Variants in CLNK observed in about 807,000 individuals in gnomAD.
CLNK encodes cytokine dependent hematopoietic cell linker, also known as cytokine-dependent hematopoietic cell linker.
Under a neutral mutation model 68.6 loss-of-function variants are expected in CLNK, and 74 were observed. The observed-to-expected ratio is 1.08, with a 90% CI of 0.89 to 1.31. CLNK has a LOEUF of 1.31. CLNK is among the 50% of genes most tolerant of loss of function. The pLI is 0.00. For synonymous variants in CLNK, 198 were observed against 172.2 expected, an observed-to-expected ratio of 1.15 and a Z score of -1.17; for missense variants, 553 against 515.3, an observed-to-expected ratio of 1.07 and a Z score of -0.71.
At chr4:10,515,169 C>T (rs978791452) in intron 15 of CLNK, among the ~76,000 whole-genome samples, 28 of 152,016 alleles carry the variant, frequency 1.8e-4, no homozygotes, top group Admixed American at 1.3e-3. Context: ...GCCTGGGAAG[C>T]GGAGGTTGCA....
chr4:10,539,944 A>T (rs1336997073), intron 11 of CLNK, among the ~76,000 whole-genome samples: 1 of 152,222 alleles, frequency 6.6e-6, no homozygotes, highest in South Asian at 2.1e-4. Flanking sequence ...TCTTTCAATA[A>T]TAACTCATTT....
the CLNK span, among the ~76,000 whole-genome samples, chr4:10,690,219 C>T: frequency 1.3e-5 from 2 of 152,166 alleles, no homozygotes; most frequent in South Asian, 4.1e-4. Flanking sequence ...ACTTTACTCT[C>T]TCTAGCAAGG....
At chr4:10,713,994 G>A in the CLNK span, among the ~76,000 whole-genome samples, 1,039 of 152,326 alleles carry the variant, frequency 6.8e-3, 7 homozygotes, top group African/African-American at 0.017. Context: ...AACATTATCG[G>A]CCAAACAAGA....
At position 10,516,843 on chromosome 4, in the gene CLNK, G is replaced by T. The variant is rs116388290; in HGVS notation, c.773-3246C>A. On this transcript the variant is annotated intron_variant, in intron 15 of 18. Coordinates refer to ENST00000226951, the MANE Select transcript of CLNK (RefSeq NM_052964.4). ...TGGGATTATAGGCGTGAGCCACCAC[G>T]CCTGGCCAGGATTGTAGCTTTTAAT... is the stretch of plus-strand genomic sequence containing the variant. Among the ~76,000 whole-genome samples the T allele has an allele frequency of 2.0e-5, 3 of 152,246 alleles. No individual in the cohort carries two copies. In the South Asian group the frequency reaches 6.2e-4, roughly 32 times the overall value.
At chr4:10,571,155 G>A (rs1347049105) in intron 5 of CLNK, among the ~76,000 whole-genome samples, 1 of 151,998 alleles carries the variant, frequency 6.6e-6, no homozygotes, top group African/African-American at 2.4e-5. Flanking sequence ...CAGTGTATTG[G>A]TATTTTCACT....
the CLNK span, among the ~76,000 whole-genome samples, chr4:10,707,889 G>T: frequency 6.6e-6 from 1 of 152,218 alleles, no homozygotes; most frequent in Non-Finnish European, 1.5e-5. Context: ...TGATGCCACA[G>T]TGCAGCATGG....
chr4:10,522,252 T>C (rs1320276791), intron 14 of CLNK, among the ~76,000 whole-genome samples: 4 of 37,704 alleles, frequency 1.1e-4, no homozygotes, highest in Non-Finnish European at 1.6e-4. Flanking sequence ...AGTGAGACTC[T>C]GTCTCAAAAA....
rs1229241216 is a variant in CLNK, at chr4:10,597,937, A to C, written c.83+41T>G. 5.8e-6 allele frequency: 8 copies of C among 1,367,684 alleles called. No homozygotes were observed. The East Asian group carries it at 1.7e-4, about 30-fold the overall frequency. The allele number at this position is 1,367,684 out of a possible 1,614,324, so 84.7% of individuals were successfully genotyped here. ...GTCAGCTTATTTGCTACAGAATTAA[A>C]ATTTTCACTCCTCTATTAATAAACA... On this transcript the variant is annotated intron_variant, in intron 3 of 18. Coordinates refer to ENST00000226951, the MANE Select transcript of CLNK (RefSeq NM_052964.4).
the CLNK span, among the ~76,000 whole-genome samples, chr4:10,724,482 GT>G: frequency 6.5e-3 from 945 of 146,466 alleles, 8 homozygotes; most frequent in African/African-American, 0.022. Flanking sequence ...TTTTTAGTTA[GT>G]TTTTTTTTTT....
At chr4:10,673,018 TA>T (rs1487536007) in intron 1 of CLNK, among the ~76,000 whole-genome samples, 2 of 152,220 alleles carry the variant, frequency 1.3e-5, no homozygotes, top group African/African-American at 4.8e-5. Flanking sequence ...GGAATGTTTT[TA>T]AAAAACCTAT....
intron 16 of CLNK, 86 bp from the exon 17 acceptor site, chr4:10,508,122 C>G (rs1560193313): frequency 9.2e-6 from 9 of 977,148 alleles, no homozygotes; most frequent in Non-Finnish European, 1.4e-5. Context: ...TACTTTTGCT[C>G]CACCAGTGCC....
At chr4:10,548,756 GTC>G (rs1719335552) in intron 8 of CLNK, among the ~76,000 whole-genome samples, 1 of 152,150 alleles carries the variant, frequency 6.6e-6, no homozygotes, top group Admixed American at 6.5e-5. Flanking sequence ...TTAATATCTA[GTC>G]TCTCCACTAT....
intron 2 of CLNK, among the ~76,000 whole-genome samples, chr4:10,611,717 A>T (rs1183232939): frequency 6.6e-6 from 1 of 152,120 alleles, no homozygotes; most frequent in East Asian, 1.9e-4. Context: ...AGGCCCAATG[A>T]TGTGCTGCTC....
chr4:10,544,100 T>A (rs1182263197), intron 8 of CLNK, among the ~76,000 whole-genome samples: 1 of 152,232 alleles, frequency 6.6e-6, no homozygotes, highest in Non-Finnish European at 1.5e-5. Context: ...TGACTTTCCC[T>A]GCAAAACTAG....
intron 8 of CLNK, 109 bp downstream of exon 8, chr4:10,558,298 C>T: frequency 1.2e-6 from 1 of 843,546 alleles, no homozygotes; most frequent in Non-Finnish European, 2.0e-6. Context: ...TTCAATAGAT[C>T]ACCTTGTGTA....
At chr4:10,699,494 C>CTCTCTATATATA in the CLNK span, among the ~76,000 whole-genome samples, 8 of 56,980 alleles carry the variant, frequency 1.4e-4, no homozygotes, top group East Asian at 1.0e-3. Context: ...CTCTCTCTCT[C>CTCTCTATATATA]TATATATATA....
At chr4:10,592,532 A>C (rs1577152604) in intron 3 of CLNK, among the ~76,000 whole-genome samples, 1 of 150,832 alleles carries the variant, frequency 6.6e-6, no homozygotes, top group Non-Finnish European at 1.5e-5. Flanking sequence ...TTTCACGTCT[A>C]TTTAAGTATC....
chr4:10,585,386 A>G (rs1720933022), intron 3 of CLNK, among the ~76,000 whole-genome samples: 1 of 152,240 alleles, frequency 6.6e-6, no homozygotes, highest in Admixed American at 6.5e-5. Flanking sequence ...TGTGGCAATC[A>G]CCGAGTTTTG....
At chr4:10,667,744 C>G (rs1724456461) in intron 2 of CLNK, 115 bp downstream of exon 2, 1 of 918,548 alleles carries the variant, frequency 1.1e-6, no homozygotes, top group Admixed American at 3.2e-5. Context: ...CTCAGGAAAT[C>G]CCTTTTCCAT....
Sources: gnomAD v4.1 joint callset for allele counts (sites outside exome capture counted in the v4.1 genomes callset) on GRCh38, gnomAD v4.1.1 for gene constraint, MANE v1.5 for transcripts, NCBI Gene and HGNC (gene_info 2026-07-23, HGNC 2026-07-21) for gene names.